The following EYS variants were observed in gnomAD, a reference collection of about 807,000 sequenced individuals.
EYS encodes the protein protein eyes shut homolog.
EYS carries 250 observed loss-of-function variants against 282.1 expected under a neutral mutation model. The ratio of observed to expected loss-of-function variants is 0.89; its 90% CI spans 0.80 to 0.98. The LOEUF is 0.98. EYS is among the 50% of genes least tolerant of loss of function. The probability of loss-of-function intolerance (pLI) is 0.00; values close to 1 mark genes in which losing one functional copy is unlikely to be tolerated. For synonymous variants in EYS, 1,355 were observed against 1,282.9 expected (o/e 1.06, Z -1.20); for missense variants, 4,016 against 3,709.0 (o/e 1.08, Z -2.15).
At chr6:65,474,773 T>G (rs531622938) in intron 5 of EYS, among the ~76,000 whole-genome samples, 1 of 152,200 alleles carries the variant, frequency 6.6e-6, no homozygotes, top group South Asian at 2.1e-4. Context: ...AACCACTTAA[T>G]TTAGGGTTAG....
rs79355891 is a variant in EYS, at chr6:64,959,789, T to C, written c.2260-13875A>G. 5.4e-3 allele frequency among the ~76,000 whole-genome samples: 824 copies of C among 152,238 alleles called. 9 individuals carry two copies. The highest frequency in any genetic ancestry group is 0.019 in the African/African-American group (780 of 41,538). ...GTATTCTGACCAGATGTCTAAGGTG[T>C]TCCTAGTGATTGGTTAATCCCTGAG... On this transcript the variant is annotated intron_variant, in intron 14 of 42. Coordinates refer to ENST00000503581, the MANE Select transcript of EYS (RefSeq NM_001142800.2).
chr6:65,203,780 G>A (rs1214286878), intron 12 of EYS, among the ~76,000 whole-genome samples: 1 of 151,986 alleles, frequency 6.6e-6, no homozygotes, highest in Non-Finnish European at 1.5e-5. Context: ...GATATGCATT[G>A]TAAGTAATCT....
intron 31 of EYS, among the ~76,000 whole-genome samples, chr6:64,143,030 A>G (rs1774390315): frequency 6.6e-6 from 1 of 152,212 alleles, no homozygotes; most frequent in Admixed American, 6.5e-5. Context: ...GATGTGGAAG[A>G]AATGTAAACG....
chr6:65,317,255 C>G (rs1228255799), intron 11 of EYS, among the ~76,000 whole-genome samples: 3 of 152,130 alleles, frequency 2.0e-5, no homozygotes, highest in Admixed American at 2.0e-4. Context: ...TGATTTTCTA[C>G]TTAAATCTAT....
At chr6:65,380,163 C>G (rs968150379) in intron 8 of EYS, among the ~76,000 whole-genome samples, 6 of 152,078 alleles carry the variant, frequency 3.9e-5, no homozygotes, top group African/African-American at 1.4e-4. Flanking sequence ...ATTTCCAAGA[C>G]AGTCCTAAGC....
At chr6:64,733,569 A>T (rs1190869522) in intron 22 of EYS, 1 of 163,862 alleles carries the variant, frequency 6.1e-6, no homozygotes, top group Non-Finnish European at 1.3e-5. Flanking sequence ...GCAGTGGGAC[A>T]TGAGACCCAA....
intron 16 of EYS, among the ~76,000 whole-genome samples, chr6:64,904,739 A>G (rs969933740): frequency 3.9e-5 from 6 of 152,156 alleles, no homozygotes; most frequent in African/African-American, 1.4e-4. Context: ...GTGAGCCTCC[A>G]TGATTTCAGC....
At position 65,495,150 on chromosome 6, in the gene EYS, G is replaced by A; in HGVS notation, c.261C>T (p.Ile87=). 1 of 1,613,980 alleles carries A rather than the reference G, an allele frequency of 6.2e-7. No homozygotes were observed. The highest frequency in any genetic ancestry group is 8.5e-7 in the Non-Finnish European group (1 of 1,179,916). The change falls in exon 4 of 43, where the codon ATC becomes ATT. Residue 87 remains isoleucine, a synonymous_variant. Transcript: ENST00000503581. The part of the protein sequence containing the change: ...ICPLQIQLGD[I]LVISSEPSLQ... ...GAGATGGTTCAGAAGAAATTACAAG[G>A]ATATCTCCTAATTGAATTTGCAAAG...
intron 28 of EYS, among the ~76,000 whole-genome samples, chr6:64,426,902 T>G (rs1159134835): frequency 6.6e-6 from 1 of 152,194 alleles, no homozygotes; most frequent in Non-Finnish European, 1.5e-5. Context: ...TATTTCTAGT[T>G]ATTTTTTAGT....
At chr6:63,752,685 C>T (rs188874514) in intron 41 of EYS, among the ~76,000 whole-genome samples, 72 of 151,712 alleles carry the variant, frequency 4.7e-4, no homozygotes, top group Middle Eastern at 6.8e-3. Flanking sequence ...TTAGTAGAGA[C>T]GGGGTTTCAC....
intron 12 of EYS, among the ~76,000 whole-genome samples, chr6:65,120,236 GAAAC>G (rs1775496959): frequency 6.7e-6 from 1 of 150,322 alleles, no homozygotes; most frequent in African/African-American, 2.4e-5. Context: ...AACAAGCAAG[GAAAC>G]AAACAAATGA....
At chr6:64,032,645 G>A (rs1769909016) in intron 33 of EYS, among the ~76,000 whole-genome samples, 1 of 152,250 alleles carries the variant, frequency 6.6e-6, no homozygotes, top group South Asian at 2.1e-4. Context: ...CATTTGTCTG[G>A]CTTGGCTACA....
rs188990921 is a variant in EYS, at chr6:65,689,974, C to A, written c.-448+17161G>T. Among the ~76,000 whole-genome samples the A allele has an allele frequency of 2.1e-3, 313 of 149,968 alleles. 9 individuals are homozygous for A. Among genetic ancestry groups the A allele is most frequent in the African/African-American group, 7.3e-3 (299 of 41,226 alleles). On this transcript the variant is annotated intron_variant, in intron 1 of 42. Coordinates refer to ENST00000503581, the MANE Select transcript of EYS (RefSeq NM_001142800.2). ...AGTACCAACAATGCACTGGATATAC[C>A]AGCATTTATTACTAAGTTTAGTGAG...
chr6:64,842,449 A>C (rs1765590747), intron 19 of EYS, among the ~76,000 whole-genome samples: 1 of 151,900 alleles, frequency 6.6e-6, no homozygotes. Flanking sequence ...AGATACCCAA[A>C]ATTGTGGAAG....
intron 12 of EYS, among the ~76,000 whole-genome samples, chr6:65,276,395 G>A (rs1390752966): frequency 6.6e-6 from 1 of 151,642 alleles, no homozygotes; most frequent in African/African-American, 2.4e-5. Context: ...AAAGAGGGAA[G>A]TGCTTCCACC....
intron 22 of EYS, among the ~76,000 whole-genome samples, chr6:64,805,558 A>G (rs1197018245): frequency 6.6e-6 from 1 of 151,802 alleles, no homozygotes; most frequent in Admixed American, 6.6e-5. Context: ...TTATTTATTT[A>G]TCTATGGAAT....
chr6:64,570,798 C>T (rs1387348305), intron 26 of EYS, among the ~76,000 whole-genome samples: 2 of 152,106 alleles, frequency 1.3e-5, no homozygotes, highest in African/African-American at 2.4e-5. Flanking sequence ...TTCTTAGAGA[C>T]CTAAAAAGAG....
At chr6:63,982,891 A>G (rs969284591) in intron 35 of EYS, among the ~76,000 whole-genome samples, 46 of 151,892 alleles carry the variant, frequency 3.0e-4, no homozygotes, top group African/African-American at 1.1e-3. Context: ...TGAATAACAC[A>G]AATATTTCAG....
intron 35 of EYS, among the ~76,000 whole-genome samples, chr6:63,965,868 G>T (rs1307549888): frequency 6.6e-6 from 1 of 152,148 alleles, no homozygotes. Context: ...CCAGTGAAAA[G>T]AATCATGGGC....
Sources: gnomAD v4.1 joint callset for allele counts (sites outside exome capture counted in the v4.1 genomes callset) on GRCh38, gnomAD v4.1.1 for gene constraint, MANE v1.5 for transcripts, NCBI Gene and HGNC (gene_info 2026-07-23, HGNC 2026-07-21) for gene names.